The following RFLNA variants were observed in gnomAD, a reference collection of about 807,000 sequenced individuals.
The protein encoded by RFLNA is refilin-A.
RFLNA carries 5 observed loss-of-function variants against 7.8 expected under a neutral mutation model. The observed-to-expected ratio is 0.64, with a 90% CI of 0.34 to 1.35. The LOEUF is 1.35. RFLNA is among the 40% of genes most tolerant of loss of function. RFLNA has a pLI of 0.04. For synonymous variants in RFLNA, 141 were observed against 131.3 expected (o/e 1.07, Z -0.50); for missense variants, 278 against 305.5 (o/e 0.91, Z 0.67).
intron 1 of RFLNA, among the ~76,000 whole-genome samples, chr12:124,309,878 G>T (rs921337046): frequency 6.6e-6 from 1 of 152,202 alleles, no homozygotes; most frequent in South Asian, 2.1e-4. Context: ...TGCCTTAAAA[G>T]GCTTTAGGGG....
intron 1 of RFLNA, among the ~76,000 whole-genome samples, chr12:124,308,836 G>T (rs530702003): frequency 6.6e-6 from 1 of 152,246 alleles, no homozygotes; most frequent in Non-Finnish European, 1.5e-5. Flanking sequence ...CCGGCCCGCC[G>T]GCTGGAACCT....
At chr12:124,293,412 G>T (rs2033853124), upstream of RFLNA, among the ~76,000 whole-genome samples, 2 of 152,082 alleles carry the variant, frequency 1.3e-5, no homozygotes, top group African/African-American at 4.8e-5. Context: ...GGTCTGGGTG[G>T]GTGAGCATTT....
rs1303553551 is a variant in RFLNA, at chr12:124,300,723, GATGGATGC to G, written c.207+5095_207+5102del. Among the ~76,000 whole-genome samples, 110 of 117,398 alleles carry G rather than the reference GATGGATGC, an allele frequency of 9.4e-4. 1 individual carries two copies. The highest frequency in any genetic ancestry group is 1.7e-3 in the African/African-American group (55 of 32,296). The allele number at this position is 117,398 out of a possible 152,430, so 77.0% of individuals were successfully genotyped here. Reference sequence around the variant, plus strand: ...GGATGGATGGATGGGCAGAAGGGTGGATGGATGCATGGATGGATGGATGGATGGATGGA... The same window carrying G: ...GGATGGATGGATGGGCAGAAGGGTGGATGGATGGATGGATGGATGGATGGA... On this transcript the variant is annotated intron_variant, in intron 1 of 2. Transcript: ENST00000546355.
upstream of RFLNA, among the ~76,000 whole-genome samples, chr12:124,290,265 T>C (rs1696541840): frequency 6.6e-6 from 1 of 152,222 alleles, no homozygotes; most frequent in Non-Finnish European, 1.5e-5. This position sits in a 1 kb window ranked among gnomAD's most constrained non-coding sequence, Gnocchi z 4.0. Context: ...CGTGTGTGGG[T>C]ACATGTGTGT....
At chr12:124,298,519 C>G (rs938717142) in intron 1 of RFLNA, among the ~76,000 whole-genome samples, 1 of 152,168 alleles carries the variant, frequency 6.6e-6, no homozygotes, top group Non-Finnish European at 1.5e-5. Context: ...CCAGGCCAGA[C>G]GAAGAGCTGG....
chr12:124,314,046 C>T, intron 2 of RFLNA, 146 bp from the exon 3 acceptor site: 4 of 1,084,026 alleles, frequency 3.7e-6, no homozygotes, highest in Non-Finnish European at 5.2e-6. Flanking sequence ...CCTTCTTTGA[C>T]CTTCTTGACC....
In RFLNA at chr12:124,315,060, C is replaced by CTG. The variant is rs1237045816; in HGVS notation, c.*535_*536insTG. On this transcript the variant is annotated 3_prime_UTR_variant, in exon 3 of 3. Coordinates refer to ENST00000546355, the MANE Select transcript of RFLNA (RefSeq NM_001365156.1). ...CCTTTTCGCACACATGCAGGTTGCA[C>CTG]CGAGAGGTCTGGAGCTGTGGCTGAG... 1.3e-5 allele frequency: 3 copies of CTG among 227,122 alleles called. No homozygotes were observed. The highest frequency in any genetic ancestry group is 6.8e-5 in the African/African-American group (3 of 44,044). 14.1% of individuals were successfully genotyped at this position (227,122 alleles called of 1,614,324 possible). A position where few individuals can be genotyped will look rare whatever the true frequency, so the allele number is the denominator to read the frequency against.
At chr12:124,313,456 A>C (rs565866232) in intron 2 of RFLNA, among the ~76,000 whole-genome samples, 1 of 152,300 alleles carries the variant, frequency 6.6e-6, no homozygotes, top group Non-Finnish European at 1.5e-5. Context: ...AGGCGGGCGG[A>C]TCACGAGGTC....
chr12:124,298,799 C>T (rs2033975210), intron 1 of RFLNA, among the ~76,000 whole-genome samples: 1 of 152,232 alleles, frequency 6.6e-6, no homozygotes, highest in Admixed American at 6.5e-5. Flanking sequence ...CCCACACACA[C>T]TCAGGGTACG....
chr12:124,293,812 G>A (rs955607875), upstream of RFLNA, among the ~76,000 whole-genome samples: 2 of 152,114 alleles, frequency 1.3e-5, no homozygotes, highest in African/African-American at 2.4e-5. Context: ...CAGGGCCTGC[G>A]CCCTGCTGTT....
rs1168972472 is a variant in RFLNA, at chr12:124,315,893, A to C, written c.*1368A>C. 2 of 152,198 alleles carry C rather than the reference A, an allele frequency of 1.3e-5. No individual in the cohort carries two copies. Among genetic ancestry groups the C allele is most frequent in the African/African-American group, 4.8e-5 (2 of 41,442 alleles). 9.4% of individuals were successfully genotyped at this position (152,198 alleles called of 1,614,324 possible). On this transcript the variant is annotated 3_prime_UTR_variant, in exon 3 of 3. Coordinates refer to ENST00000546355, the MANE Select transcript of RFLNA (RefSeq NM_001365156.1). ...AGGGGAGATTCCGTTCACATCCAGG[A>C]GGGGCAAAATGACTGATGTATTTTT...
At position 124,311,816 on chromosome 12, in the gene RFLNA, A is replaced by G; in HGVS notation, c.208-2A>G. 6.3e-7 allele frequency: 1 copy of G among 1,581,880 alleles called. No homozygotes were observed. On this transcript the variant is annotated splice_acceptor_variant, in intron 1 of 2. Transcript: ENST00000546355. LOFTEE classifies it high-confidence loss of function. ...ACCCCGTGTCCCTGGCTCTCCCCAC[A>G]GCCCCCCTCCCAACTCCCAAATCCC...
rs765000215 is a variant in RFLNA at position 124,314,244 on chromosome 12, T to C, written c.370T>C (p.Phe124Leu). ...GGAGAAGCATTTCCAGGACAAGGTC[T>C]TCTATGCGCCCGTACCCACCGTCAC... ...ASEKHFQDKV[F>L]YAPVPTVTAY... Residue 124 changes from phenylalanine (F) to leucine (L), a missense_variant, in exon 3 of 3, where the codon TTC (phenylalanine) becomes CTC (leucine). Physicochemically the swap from Phe to Leu is conservative, Grantham distance 22. Coordinates refer to ENST00000546355, the MANE Select transcript of RFLNA (RefSeq NM_001365156.1). 3 of 1,613,602 alleles carry C rather than the reference T, an allele frequency of 1.9e-6. No homozygotes were observed. In the South Asian group the frequency reaches 3.3e-5, roughly 18 times the overall value.
upstream of RFLNA, among the ~76,000 whole-genome samples, chr12:124,294,029 G>A (rs1188544211): frequency 6.6e-6 from 1 of 152,008 alleles, no homozygotes; most frequent in African/African-American, 2.4e-5. Flanking sequence ...CATCAGACTG[G>A]GCCCTCCACA....
intron 2 of RFLNA, among the ~76,000 whole-genome samples, chr12:124,313,700 A>C (rs927690702): frequency 1.3e-5 from 2 of 150,804 alleles, no homozygotes; most frequent in African/African-American, 4.9e-5. Flanking sequence ...AAAAGGTTGC[A>C]TGTGCCTCTC....
chr12:124,291,311 G>A (rs1477822984), upstream of RFLNA, among the ~76,000 whole-genome samples: 2 of 152,264 alleles, frequency 1.3e-5, no homozygotes, highest in East Asian at 3.9e-4. Context: ...CTGGAGTGCA[G>A]TGGCATGATC....
intron 1 of RFLNA, among the ~76,000 whole-genome samples, chr12:124,300,458 G>C (rs1417936386): frequency 6.6e-6 from 1 of 152,214 alleles, no homozygotes; most frequent in Non-Finnish European, 1.5e-5. Flanking sequence ...TGGGACCCTT[G>C]GGACTCTTGG....
At chr12:124,300,777 C>CGGATGGAT (rs59223953) in intron 1 of RFLNA, among the ~76,000 whole-genome samples, 30 of 69,950 alleles carry the variant, frequency 4.3e-4, no homozygotes, top group African/African-American at 1.5e-3. Flanking sequence ...GATGGATTGA[C>CGGATGGAT]GGATGGATGG....
intron 1 of RFLNA, among the ~76,000 whole-genome samples, chr12:124,296,729 A>C (rs2033936308): frequency 6.6e-6 from 1 of 152,158 alleles, no homozygotes; most frequent in Non-Finnish European, 1.5e-5. Context: ...GTGGGTCCCA[A>C]ACTTGGTCGC....
Sources: gnomAD v4.1 joint callset for allele counts (sites outside exome capture counted in the v4.1 genomes callset) on GRCh38, gnomAD v4.1.1 for gene constraint, Gnocchi (gnomAD v3.1) non-coding constraint, MANE v1.5 for transcripts, NCBI Gene and HGNC (gene_info 2026-07-23, HGNC 2026-07-21) for gene names.